The following RBFOX1 variants were observed in gnomAD, a reference collection of about 807,000 sequenced individuals.
The protein encoded by RBFOX1 is RNA binding fox-1 homolog 1.
A neutral mutation model predicts 57.7 loss-of-function variants in RBFOX1; 8 were observed. That is an observed-to-expected ratio of 0.14 (90% CI 0.08 to 0.25). RBFOX1 has a LOEUF of 0.25. Among genes scored for constraint, RBFOX1 ranks in the 10% least tolerant of loss-of-function variants. The pLI is 1.00. For missense variants in RBFOX1, 611 were observed against 548.5 expected (o/e 1.11, Z -1.14); for synonymous variants, 326 against 222.4 (o/e 1.47, Z -4.15).
At chr16:7,153,986 G>A (rs1309863352) in intron 4 of RBFOX1, among the ~76,000 whole-genome samples, 6 of 152,136 alleles carry the variant, frequency 3.9e-5, no homozygotes, top group Non-Finnish European at 8.8e-5. Flanking sequence ...GTTGACATCT[G>A]TGTGGATTTG....
At chr16:6,769,311 T>C (rs1215523371) in intron 3 of RBFOX1, among the ~76,000 whole-genome samples, 4 of 152,192 alleles carry the variant, frequency 2.6e-5, no homozygotes, top group African/African-American at 7.2e-5. Context: ...GTGGCCTCCA[T>C]AGCCATGTGG....
rs528417824 is a variant in RBFOX1 at position 7,508,241 on chromosome 16, G to A, written c.28-9906G>A. On this transcript the variant is annotated intron_variant, in intron 4 of 15. Coordinates refer to ENST00000550418, the MANE Select transcript of RBFOX1 (RefSeq NM_018723.4). Reference sequence around the variant, plus strand: ...GATCCGCACGCCTCGGCCTTCCTAAGTGCTGGGATTACAAGCGTGAGCCAC... The same window carrying A: ...GATCCGCACGCCTCGGCCTTCCTAAATGCTGGGATTACAAGCGTGAGCCAC... 7.9e-5 allele frequency among the ~76,000 whole-genome samples: 12 copies of A among 152,224 alleles called. No homozygotes were observed. The South Asian group carries it at 1.0e-3, about 13-fold the overall frequency.
intron 1 of RBFOX1, among the ~76,000 whole-genome samples, chr16:6,047,625 C>T (rs1291551687): frequency 6.6e-6 from 1 of 152,116 alleles, no homozygotes; most frequent in African/African-American, 2.4e-5. Flanking sequence ...GCTCACAGAC[C>T]AGATTATTTC....
chr16:5,382,398 T>C (rs2066153232), intron 1 of RBFOX1, among the ~76,000 whole-genome samples: 1 of 152,220 alleles, frequency 6.6e-6, no homozygotes, highest in African/African-American at 2.4e-5. Flanking sequence ...TCATCTTTTT[T>C]TTTTTTCAAA....
chr16:6,882,561 A>C (rs1247592854), intron 3 of RBFOX1, among the ~76,000 whole-genome samples: 1 of 152,156 alleles, frequency 6.6e-6, no homozygotes, highest in Non-Finnish European at 1.5e-5. Flanking sequence ...GCACCACTGC[A>C]CTGCAGCCTC....
chr16:6,051,567 G>A (rs2095552124), intron 1 of RBFOX1, among the ~76,000 whole-genome samples: 1 of 152,140 alleles, frequency 6.6e-6, no homozygotes, highest in Non-Finnish European at 1.5e-5. Flanking sequence ...GACCTCAAGT[G>A]ATCTAGGTCT....
chr16:6,055,107 G>A (rs1014739281), intron 1 of RBFOX1, among the ~76,000 whole-genome samples: 5 of 152,006 alleles, frequency 3.3e-5, no homozygotes, highest in African/African-American at 1.2e-4. Context: ...TGTTTCTTGT[G>A]GCATCTTTTT....
chr16:5,924,025 G>A (rs1258033959), intron 4 of RBFOX1, among the ~76,000 whole-genome samples: 1 of 152,116 alleles, frequency 6.6e-6, no homozygotes, highest in African/African-American at 2.4e-5. Context: ...CATGGGGGTA[G>A]TGTACCCCAT....
At chr16:7,053,363 A>C (rs766437589) in intron 4 of RBFOX1, among the ~76,000 whole-genome samples, 1 of 152,146 alleles carries the variant, frequency 6.6e-6, no homozygotes, top group Non-Finnish European at 1.5e-5. Context: ...AGACTTCAAG[A>C]TTTTTAAGCT....
intron 3 of RBFOX1, among the ~76,000 whole-genome samples, chr16:6,944,149 C>T (rs1213667863): frequency 6.6e-6 from 1 of 151,988 alleles, no homozygotes. Context: ...GTAATCCCAG[C>T]ATTTTGGGAG....
At chr16:6,092,015 C>G (rs1567435461) in intron 1 of RBFOX1, among the ~76,000 whole-genome samples, 1 of 152,128 alleles carries the variant, frequency 6.6e-6, no homozygotes, top group Non-Finnish European at 1.5e-5. Context: ...ATCTACCTAC[C>G]TGTTCACACA....
intron 4 of RBFOX1, among the ~76,000 whole-genome samples, chr16:7,286,037 C>G (rs542221230): frequency 3.4e-4 from 51 of 152,160 alleles, no homozygotes; most frequent in Non-Finnish European, 7.1e-4. Flanking sequence ...TATCTTTAAT[C>G]AGCATACTGG....
intron 3 of RBFOX1, among the ~76,000 whole-genome samples, chr16:6,655,897 C>T (rs1248166043): frequency 1.3e-5 from 2 of 152,104 alleles, no homozygotes; most frequent in Non-Finnish European, 2.9e-5. Flanking sequence ...CTTCTCAAAA[C>T]AAAAATTTGC....
chr16:6,721,203 A>T (rs1277655896), intron 3 of RBFOX1, among the ~76,000 whole-genome samples: 2 of 152,142 alleles, frequency 1.3e-5, no homozygotes, highest in African/African-American at 4.8e-5. Flanking sequence ...AGTACTTTGG[A>T]AGGCCAAGGC....
At chr16:7,241,978 T>C (rs11077159) in intron 4 of RBFOX1, among the ~76,000 whole-genome samples, 77,144 of 151,918 alleles carry the variant, frequency 0.51, 21,373 homozygotes, top group African/African-American at 0.74. Flanking sequence ...GGTTTTCAAC[T>C]TTGGCCCTCT....
At position 7,567,619 on chromosome 16, in the gene RBFOX1, C is replaced by CTATATATA. The variant is rs368067278; in HGVS notation, c.271-12148_271-12141dup. Among the ~76,000 whole-genome samples, 5 of 25,148 alleles carry CTATATATA rather than the reference C, an allele frequency of 2.0e-4. 1 individual carries two copies. In the South Asian group the frequency reaches 3.5e-3, roughly 18 times the overall value. 16.5% of individuals were successfully genotyped at this position (25,148 alleles called of 152,430 possible). A position where few individuals can be genotyped will look rare whatever the true frequency, so the allele number is the denominator to read the frequency against. ...TATATATATATCCCTTTATATGGCC[C>CTATATATA]TATATATATATATATATCCCTATAT... On this transcript the variant is annotated intron_variant, in intron 5 of 15. Coordinates refer to ENST00000550418, the MANE Select transcript of RBFOX1 (RefSeq NM_018723.4).
intron 3 of RBFOX1, among the ~76,000 whole-genome samples, chr16:7,036,095 A>C (rs2153699052): frequency 6.6e-6 from 1 of 152,328 alleles, no homozygotes; most frequent in African/African-American, 2.4e-5. Context: ...CAGATGCGAA[A>C]GTCAGAATAG....
intron 3 of RBFOX1, among the ~76,000 whole-genome samples, chr16:6,663,922 A>G (rs2098716453): frequency 6.6e-6 from 1 of 152,224 alleles, no homozygotes; most frequent in Non-Finnish European, 1.5e-5. Context: ...AGCAGTGGGA[A>G]AAGTGGCTAG....
At position 7,269,464 on chromosome 16, in the gene RBFOX1, CAGAG is replaced by C. The variant is rs150381480; in HGVS notation, c.27+217377_27+217380del. Among the ~76,000 whole-genome samples the C allele has an allele frequency of 1.1e-3, 167 of 150,310 alleles. 1 individual carries two copies. Among genetic ancestry groups the C allele is most frequent in the Middle Eastern group, 0.01 (3 of 294 alleles). Reference sequence around the variant, plus strand: ...TGTGTGTGTATGTGTGTTTGTGGGACAGAGAGAGAGAGAGGCAGACAGAGGAAAA... The same window carrying C: ...TGTGTGTGTATGTGTGTTTGTGGGACAGAGAGAGAGGCAGACAGAGGAAAA... On this transcript the variant is annotated intron_variant, in intron 4 of 15. Coordinates refer to ENST00000550418, the MANE Select transcript of RBFOX1 (RefSeq NM_018723.4).
Sources: allele counts gnomAD v4.1 joint callset (sites outside exome capture counted in the v4.1 genomes callset), GRCh38; gene constraint gnomAD v4.1.1; transcripts MANE v1.5; gene names NCBI Gene and HGNC (gene_info 2026-07-23, HGNC 2026-07-21).